Variants in POLM observed in about 807,000 individuals in gnomAD.
POLM encodes the protein DNA-directed DNA/RNA polymerase mu.
A neutral mutation model predicts 56.7 loss-of-function variants in POLM; 52 were observed. The ratio of observed to expected loss-of-function variants is 0.92; its 90% confidence interval spans 0.73 to 1.15. The LOEUF (loss-of-function observed/expected upper bound fraction) is 1.15, where lower values mean the gene tolerates loss of function less well. Ranked by LOEUF, POLM falls within the 50% of genes most tolerant of loss-of-function variation. The probability of loss-of-function intolerance (pLI) is 0.00; values close to 1 mark genes in which losing one functional copy is unlikely to be tolerated. For synonymous variants in POLM, 273 were observed against 274.3 expected (o/e 1.00, Z 0.05); for missense variants, 660 against 663.6 (o/e 0.99, Z 0.06).
At chr7:44,081,497 C>A (rs928180784) in intron 1 of POLM, among the ~76,000 whole-genome samples, 5 of 152,228 alleles carry the variant, frequency 3.3e-5, no homozygotes, top group African/African-American at 1.2e-4. Context: ...TGGGGGAATA[C>A]TAGCCCCAGG....
In POLM at chr7:44,078,761, T is replaced by C; in HGVS notation, c.693A>G (p.Ser231=). 1 of 1,614,032 alleles carries C rather than the reference T, an allele frequency of 6.2e-7. No individual in the cohort carries two copies. The highest frequency in any genetic ancestry group is 8.5e-7 in the Non-Finnish European group (1 of 1,179,942). ...VCEEVERVRR[S]ERYQTMKLFT... is the part of the protein sequence containing the mutation. ...GCACCTTCATGGTCTGGTACCTCTC[T>C]GAGCGCCGAACTCTCTCCACCTCCT... The change falls in exon 5 of 11, where the codon TCA becomes TCG. Residue 231 remains serine, a synonymous_variant. Transcript: ENST00000242248.
chr7:44,074,538 C>G lies in POLM; in HGVS notation c.836-8G>C, dbSNP rs760389454. 5 of 1,549,930 alleles carry G rather than the reference C, an allele frequency of 3.2e-6. No individual in the cohort carries two copies. Among genetic ancestry groups the G allele is most frequent in the Non-Finnish European group, 4.4e-6 (5 of 1,144,942 alleles). Reference sequence around the variant, plus strand: ...CCTGGTGGTGCTGGAGCCCTGGGGGCAACACCGGCCCTCCTGACTCACCCA... The same window carrying G: ...CCTGGTGGTGCTGGAGCCCTGGGGGGAACACCGGCCCTCCTGACTCACCCA... On this transcript the variant is annotated splice_region_variant and splice_polypyrimidine_tract_variant and intron_variant, in intron 6 of 10. Transcript: ENST00000242248.
chr7:44,076,401 A>T, intron 6 of POLM, 108 bp downstream of exon 6: 1 of 1,446,962 alleles, frequency 6.9e-7, no homozygotes, highest in Non-Finnish European at 9.4e-7. Flanking sequence ...CAAAGCTGCC[A>T]CCAAACCCTC....
rs1164905770 is a variant in POLM at position 44,073,053 on chromosome 7, G to A, written c.*238C>T. 13 of 1,419,394 alleles carry A rather than the reference G, an allele frequency of 9.2e-6. No individual in the cohort carries two copies. Among genetic ancestry groups the A allele is most frequent in the Non-Finnish European group, 9.2e-7 (1 of 1,084,110 alleles). The allele number at this position is 1,419,394 out of a possible 1,614,324, so 87.9% of individuals were successfully genotyped here. On this transcript the variant is annotated 3_prime_UTR_variant, in exon 11 of 11. Transcript: ENST00000242248. ...GTGAGCCATGGGGAGGCTAAGAGCA[G>A]ACCCAGGGTCACACAGTGATGAGGC...
intron 1 of POLM, 92 bp downstream of exon 1, chr7:44,082,157 GGA>G: frequency 2.8e-6 from 3 of 1,085,814 alleles, no homozygotes; most frequent in South Asian, 3.6e-5. Context: ...GGAGGCTCAG[GGA>G]AAGGTCACAA....
Position 44,074,442 on chromosome 7 carries a change from C to G in POLM, c.924G>C (p.Gln308His). 1 of 1,572,542 alleles carries G rather than the reference C, an allele frequency of 6.4e-7. No homozygotes were observed. The highest frequency in any genetic ancestry group is 1.3e-5 in the African/African-American group (1 of 74,176). The change falls in exon 7 of 11, where the codon CAG becomes CAC. Residue 308 changes from glutamine (Q) to histidine (H), a missense_variant. Physicochemically the swap from Gln to His is conservative, Grantham distance 24 (BLOSUM62 0). Transcript: ENST00000242248. ...GCGTGACGGTGGCCCCAGGCAGGGC[C>G]TGCCCCACAGCTTCCTCCACCACCT... is the stretch of plus-strand genomic sequence containing the variant. ...LQQVVEEAVG[Q>H]ALPGATVTLT...
intron 1 of POLM, among the ~76,000 whole-genome samples, chr7:44,081,560 C>G (rs1002492525): frequency 2.6e-5 from 4 of 152,170 alleles, no homozygotes; most frequent in African/African-American, 9.7e-5. Context: ...CTCCCTTACT[C>G]TGGGTGTTGT....
intron 1 of POLM, among the ~76,000 whole-genome samples, chr7:44,081,140 G>A (rs1164183022): frequency 1.3e-5 from 2 of 152,210 alleles, no homozygotes; most frequent in Non-Finnish European, 2.9e-5. Flanking sequence ...ATGTTCACAA[G>A]CACAGCCCAG....
In POLM at chr7:44,082,242, G is replaced by A. The variant is rs1025992799; in HGVS notation, c.188+9C>T. The A allele has an allele frequency of 7.6e-6, 11 of 1,446,970 alleles. No individual in the cohort carries two copies. The highest frequency in any genetic ancestry group is 1.5e-5 in the African/African-American group (1 of 66,200). The allele number at this position is 1,446,970 out of a possible 1,614,324, so 89.6% of individuals were successfully genotyped here. On this transcript the variant is annotated intron_variant, in intron 1 of 10. Transcript: ENST00000242248. ...ATGGAAGCCCTCGCCGCGCCGCGCCGCCCCGCACCTGCAGGCGTCAAGGAC... is the reference window on the plus strand; with the variant it reads ...ATGGAAGCCCTCGCCGCGCCGCGCCACCCCGCACCTGCAGGCGTCAAGGAC...
Position 44,073,282 on chromosome 7 carries a change from C to T in POLM, c.*9G>A. Reference sequence around the variant, plus strand: ...ATTTCCTGAGTGGAAGTGGGGGACACAGGCAGGCTCAGGCGTTTCTCTGCT... The same window carrying T: ...ATTTCCTGAGTGGAAGTGGGGGACATAGGCAGGCTCAGGCGTTTCTCTGCT... On this transcript the variant is annotated 3_prime_UTR_variant, in exon 11 of 11. Coordinates refer to ENST00000242248, the MANE Select transcript of POLM (RefSeq NM_013284.4). 6.2e-7 allele frequency: 1 copy of T among 1,614,212 alleles called. No individual in the cohort carries two copies. Among genetic ancestry groups the T allele is most frequent in the Non-Finnish European group, 8.5e-7 (1 of 1,180,018 alleles).
At chr7:44,076,127 C>G (rs2096182823) in intron 6 of POLM, 1 of 166,940 alleles carries the variant, frequency 6.0e-6, no homozygotes, top group Non-Finnish European at 1.3e-5. Flanking sequence ...GTAGATAAGA[C>G]TCAAACCCAG....
intron 4 of POLM, 120 bp downstream of exon 4, chr7:44,079,451 G>A (rs368681521): frequency 2.3e-6 from 2 of 882,890 alleles, no homozygotes; most frequent in African/African-American, 1.7e-5. Flanking sequence ...AGGCCTTGGA[G>A]CAGTGTCAGC....
intron 2 of POLM, 62 bp from the exon 3 acceptor site, chr7:44,080,021 T>C: frequency 8.1e-7 from 1 of 1,236,536 alleles, no homozygotes; most frequent in Admixed American, 1.8e-5. Context: ...AGCCAGGCCG[T>C]ACTCAGGCTT....
In POLM at chr7:44,076,645, G is replaced by A. The variant is rs368949267; in HGVS notation, c.715-16C>T. Reference sequence around the variant, plus strand: ...GGGTGAAGAGCTGTGGGGAAGGAGCGTAGCCCGGTTGGGCAGAGCTCTCAT... The same window carrying A: ...GGGTGAAGAGCTGTGGGGAAGGAGCATAGCCCGGTTGGGCAGAGCTCTCAT... On this transcript the variant is annotated splice_polypyrimidine_tract_variant and intron_variant, in intron 5 of 10. Coordinates refer to ENST00000242248, the MANE Select transcript of POLM (RefSeq NM_013284.4). 157 of 1,612,998 alleles carry A rather than the reference G, an allele frequency of 9.7e-5. 2 individuals are homozygous for A. The South Asian group carries it at 1.3e-3, about 14-fold the overall frequency.
chr7:44,076,711 C>T, intron 5 of POLM, 82 bp from the exon 6 acceptor site: 2 of 1,538,642 alleles, frequency 1.3e-6, no homozygotes, highest in South Asian at 1.2e-5. Flanking sequence ...ACGGTGTGGC[C>T]CATGGAGCAC....
intron 2 of POLM, chr7:44,080,263 C>T: frequency 1.9e-6 from 1 of 524,662 alleles, no homozygotes; most frequent in Non-Finnish European, 3.6e-6. Context: ...ACCAAGCGGG[C>T]TGGGGATGCT....
At chr7:44,078,074 C>T (rs544133108) in intron 5 of POLM, among the ~76,000 whole-genome samples, 7 of 152,214 alleles carry the variant, frequency 4.6e-5, no homozygotes, top group Non-Finnish European at 7.3e-5. Flanking sequence ...CAAGGGCAAG[C>T]CCAGCATGCT....
Position 44,082,527 on chromosome 7 carries a change from G to A in POLM, c.-89C>T. The stretch of plus-strand genomic sequence containing the variant: ...AAGCCCCAGTGAGGCTGACGGAAGC[G>A]GGTGGGCGGGCGGGCGGCCGCCGGC... On this transcript the variant is annotated 5_prime_UTR_variant, in exon 1 of 11. Coordinates refer to ENST00000242248, the MANE Select transcript of POLM (RefSeq NM_013284.4). 1.7e-6 allele frequency: 1 copy of A among 589,760 alleles called. No individual in the cohort carries two copies. 36.5% of individuals were successfully genotyped at this position (589,760 alleles called of 1,614,324 possible). A position where few individuals can be genotyped will look rare whatever the true frequency, so the allele number is the denominator to read the frequency against.
In POLM at chr7:44,074,184, C is replaced by T. The variant is rs764966448; in HGVS notation, c.1018G>A (p.Glu340Lys). The T allele has an allele frequency of 1.2e-5, 19 of 1,601,114 alleles. No homozygotes were observed. Among genetic ancestry groups the T allele is most frequent in the Non-Finnish European group, 1.4e-5 (17 of 1,174,386 alleles). The change falls in exon 8 of 11, where the codon GAG (glutamate) becomes AAG (lysine). Residue 340 changes from glutamate (E) to lysine (K), a missense_variant. Physicochemically the swap from Glu to Lys is moderately conservative, Grantham distance 56. Transcript: ENST00000242248. ...DVDFLITHPK[E>K]GQEAGLLPRV... The stretch of plus-strand genomic sequence containing the variant: ...GGCAGCAGCCCCGCCTCCTGACCCT[C>T]CTTGGGGTGGGTGATGAGGAAGTCC...
Sources: gnomAD v4.1 joint callset for allele counts (sites outside exome capture counted in the v4.1 genomes callset) on GRCh38, gnomAD v4.1.1 for gene constraint, MANE v1.5 for transcripts, NCBI Gene and HGNC (gene_info 2026-07-23, HGNC 2026-07-21) for gene names.